CDKL5: variants seen among roughly 807,000 people sequenced by gnomAD.
CDKL5 encodes cyclin-dependent kinase-like 5.
CDKL5 carries 8 observed loss-of-function variants against 61.7 expected under a neutral mutation model. That is an observed-to-expected ratio of 0.13 (90% CI 0.08 to 0.23). The LOEUF is 0.23. CDKL5 is among the 10% of genes least tolerant of loss of function. The pLI is 1.00. For synonymous variants in CDKL5, 275 were observed against 272.3 expected (o/e 1.01, Z -0.10); for missense variants, 440 against 734.5 (o/e 0.60, Z 4.63).
At position 18,635,320 on chromosome X, in the gene CDKL5, AT is replaced by A. The variant is rs1927353812; in HGVS notation, c.*6568del. On this transcript the variant is annotated 3_prime_UTR_variant, in exon 18 of 18. Coordinates refer to ENST00000623535, the MANE Select transcript of CDKL5 (RefSeq NM_001323289.2). ...CTTCATTATCAGCATGAAATGGTTA[AT>A]TTTTACTGAGCACAATGTATTTTTG... 1.3e-6 allele frequency: 1 copy of A among 749,786 alleles called. No homozygotes were observed. The highest frequency in any genetic ancestry group is 2.3e-5 in the African/African-American group (1 of 43,087). The allele number at this position is 749,786 out of a possible 1,213,427, so 61.8% of individuals were successfully genotyped here.
chrX:18,581,786 T>G lies in CDKL5; in HGVS notation c.404-105T>G, dbSNP rs73636684. The G allele has an allele frequency of 0.014, 6,921 of 494,756 alleles. 390 individuals are homozygous for G. The African/African-American group carries it at 0.15, about 11-fold the overall frequency. 40.8% of individuals were successfully genotyped at this position (494,756 alleles called of 1,213,427 possible). A position where few individuals can be genotyped will look rare whatever the true frequency, so the allele number is the denominator to read the frequency against. On this transcript the variant is annotated intron_variant, in intron 6 of 17. Transcript: ENST00000623535. The stretch of plus-strand genomic sequence containing the variant: ...TTGCTGCCACAGTTTTCTATTCAAA[T>G]TACTCTAGATATTTCTAATTAGATG...
chrX:18,487,126 T>G (rs1921821135), intron 1 of CDKL5, among the ~76,000 whole-genome samples: 1 of 112,172 alleles, frequency 8.9e-6, no homozygotes, highest in South Asian at 3.7e-4. Context: ...GCTTAATAAA[T>G]GTTTGTTGAA....
intron 1 of CDKL5, among the ~76,000 whole-genome samples, chrX:18,427,645 C>G (rs181433730): frequency 3.1e-3 from 341 of 111,301 alleles, no homozygotes; most frequent in Middle Eastern, 4.6e-3. Context: ...ATATATCAAA[C>G]AGTTGAGTAT....
chrX:18,606,540 A>T (rs1466489722), intron 12 of CDKL5, among the ~76,000 whole-genome samples: 1 of 112,606 alleles, frequency 8.9e-6, no homozygotes, highest in East Asian at 2.8e-4. Context: ...CATTCTGGCT[A>T]CTGTGCTAGA....
chrX:18,560,914 A>T (rs1449190644), intron 3 of CDKL5, among the ~76,000 whole-genome samples: 1 of 111,992 alleles, frequency 8.9e-6, no homozygotes, highest in African/African-American at 3.2e-5. Context: ...AAATCCAAAT[A>T]GGCCTCATAC....
rs957661845 is a variant in CDKL5, at chrX:18,548,887, A to C, written c.100-15590A>C. On this transcript the variant is annotated intron_variant, in intron 3 of 17. Coordinates refer to ENST00000623535, the MANE Select transcript of CDKL5 (RefSeq NM_001323289.2). ...AGCAGCCATATCTCTCATGAATTGGAAAAAATTAAACCTTGGTGCATTGGC... is the reference window on the plus strand; with the variant it reads ...AGCAGCCATATCTCTCATGAATTGGCAAAAATTAAACCTTGGTGCATTGGC... Among the ~76,000 whole-genome samples the C allele has an allele frequency of 2.7e-5, 3 of 112,148 alleles. No individual in the cohort carries two copies. The Admixed American group carries it at 2.8e-4, about 11-fold the overall frequency.
chrX:18,509,179 GAGACTGTCTCAAAACA>G (rs1922704676), intron 2 of CDKL5, among the ~76,000 whole-genome samples: 1 of 87,034 alleles, frequency 1.1e-5, no homozygotes, highest in African/African-American at 4.4e-5. Flanking sequence ...ATGAGAGAGC[GAGACTGTCTCAAAACA>G]CGCACACACA....
intron 3 of CDKL5, among the ~76,000 whole-genome samples, chrX:18,563,081 A>G (rs1311418521): frequency 8.9e-6 from 1 of 111,960 alleles, no homozygotes; most frequent in Non-Finnish European, 1.9e-5. Context: ...CAGTTAGAAT[A>G]GAATATAAGA....
chrX:18,426,789 C>G (rs1931377195), intron 1 of CDKL5: 1 of 112,447 alleles, frequency 8.9e-6, no homozygotes, highest in African/African-American at 3.2e-5. Flanking sequence ...TTGTCAGAAA[C>G]AGGAGACAGA....
chrX:18,568,943 C>T (rs1312777778), intron 4 of CDKL5, among the ~76,000 whole-genome samples: 1 of 111,266 alleles, frequency 9.0e-6, no homozygotes, highest in African/African-American at 3.3e-5. Flanking sequence ...GATCCTCCTG[C>T]CTCAGCCTCC....
At chrX:18,546,258 CTTTTTT>C (rs935420091) in intron 3 of CDKL5, among the ~76,000 whole-genome samples, 1 of 90,524 alleles carries the variant, frequency 1.1e-5, no homozygotes, top group Non-Finnish European at 2.2e-5. Context: ...TCTACTTCTT[CTTTTTT>C]TTTTTTTTTT....
At chrX:18,615,676 C>T (rs1466411434) in intron 15 of CDKL5, among the ~76,000 whole-genome samples, 1 of 111,872 alleles carries the variant, frequency 8.9e-6, no homozygotes, top group Non-Finnish European at 1.9e-5. Flanking sequence ...CTCAGCCTCC[C>T]AAAGTCCTGG....
intron 1 of CDKL5, among the ~76,000 whole-genome samples, chrX:18,502,199 C>T (rs752785927): frequency 3.0e-3 from 333 of 111,497 alleles, no homozygotes; most frequent in African/African-American, 0.01. Context: ...ATAATAGTCT[C>T]GTATTTTTTC....
chrX:18,439,337 T>G (rs1400556218), intron 1 of CDKL5, among the ~76,000 whole-genome samples: 2 of 110,095 alleles, frequency 1.8e-5, no homozygotes, highest in Non-Finnish European at 3.8e-5. Context: ...ATATCTGAGC[T>G]TTTTTTCATG....
intron 4 of CDKL5, among the ~76,000 whole-genome samples, chrX:18,568,673 A>T (rs1281433494): frequency 9.1e-6 from 1 of 110,216 alleles, no homozygotes; most frequent in Non-Finnish European, 1.9e-5. Flanking sequence ...TTCTTTTTTT[A>T]TTCCTGTCTA....
Position 18,564,465 on chromosome X carries a change from T to C in CDKL5, c.100-12T>C. The C allele has an allele frequency of 8.6e-7, 1 of 1,166,045 alleles. No homozygotes were observed. Among genetic ancestry groups the C allele is most frequent in the South Asian group, 1.8e-5 (1 of 54,992 alleles). On this transcript the variant is annotated splice_polypyrimidine_tract_variant and intron_variant, in intron 3 of 17. Transcript: ENST00000623535. ...GGAGAATGACTTTCCTTCTGCTTCT[T>C]TTCCCTTGCAGGAAACACATGAAAT...
rs190036693 is a variant in CDKL5 at position 18,495,737 on chromosome X, C to T, written c.-162-11198C>T. Among the ~76,000 whole-genome samples the T allele has an allele frequency of 4.4e-3, 487 of 111,884 alleles. 2 individuals are homozygous for T. The Middle Eastern group carries it at 0.046, about 11-fold the overall frequency. On this transcript the variant is annotated intron_variant, in intron 1 of 17. Transcript: ENST00000623535. ...TTTGTACTGCCTTGAACACTCTTCT[C>T]ATAGCCCTGGTGGCTTGGAATTTTT...
At chrX:18,594,584 A>G (rs1418352942) in intron 9 of CDKL5, among the ~76,000 whole-genome samples, 1 of 111,768 alleles carries the variant, frequency 8.9e-6, no homozygotes, top group African/African-American at 3.3e-5. Context: ...TCAAAAGTAA[A>G]TGGTATGTTG....
At chrX:18,570,653 A>G (rs780657595) in intron 4 of CDKL5, among the ~76,000 whole-genome samples, 2 of 111,911 alleles carry the variant, frequency 1.8e-5, no homozygotes, top group East Asian at 5.6e-4. Flanking sequence ...GATTTCACAA[A>G]GTAGGTTACA....
Sources: gnomAD v4.1 joint callset for allele counts (sites outside exome capture counted in the v4.1 genomes callset) on GRCh38, gnomAD v4.1.1 for gene constraint, MANE v1.5 for transcripts, NCBI Gene and HGNC (gene_info 2026-07-23, HGNC 2026-07-21) for gene names.